TMEM114: variants seen among roughly 807,000 people sequenced by gnomAD.
TMEM114 encodes the protein transmembrane protein 114.
In TMEM114, 6 loss-of-function variants were observed where a neutral mutation model predicts 6.2. That is an observed-to-expected ratio of 0.97 (90% CI 0.53 to 1.91). The LOEUF (loss-of-function observed/expected upper bound fraction) is 1.91, where lower values mean the gene tolerates loss of function less well. Ranked by LOEUF, TMEM114 falls within the 40% of genes most tolerant of loss-of-function variation. The pLI is 0.01. For synonymous variants in TMEM114, 104 were observed against 73.0 expected (o/e 1.42, Z -2.16); for missense variants, 218 against 158.3 (o/e 1.38, Z -2.02).
intron 2 of TMEM114, among the ~76,000 whole-genome samples, chr16:8,574,369 A>G (rs2141687839): frequency 6.6e-6 from 1 of 152,336 alleles, no homozygotes; most frequent in South Asian, 2.1e-4. Context: ...AACTCTATCA[A>G]TAATAAAGAT....
At chr16:8,551,983 A>G (rs1460298453) in intron 2 of TMEM114, among the ~76,000 whole-genome samples, 2 of 152,216 alleles carry the variant, frequency 1.3e-5, no homozygotes, top group African/African-American at 4.8e-5. Context: ...CCAGTCTCCA[A>G]AGATTCTATA....
At position 8,545,463 on chromosome 16, in the gene TMEM114, T is replaced by A. The variant is rs548696437; in HGVS notation, n.213-7637A>T. 2.6e-5 allele frequency among the ~76,000 whole-genome samples: 4 copies of A among 152,238 alleles called. 1 individual carries two copies. In the East Asian group the frequency reaches 7.7e-4, roughly 29 times the overall value. ...ATAATCAACATCATCATCATCATCA[T>A]CACCATCATCACCATCATCATCACC... On this transcript the variant is annotated intron_variant and non_coding_transcript_variant, in intron 2 of 2. Transcript: ENST00000623677.
intron 2 of TMEM114, among the ~76,000 whole-genome samples, chr16:8,542,107 T>C (rs1900532421): frequency 1.3e-5 from 2 of 151,610 alleles, no homozygotes; most frequent in Non-Finnish European, 2.9e-5. Flanking sequence ...TCATCCCCCA[T>C]CACCCTTCCT....
intron 2 of TMEM114, among the ~76,000 whole-genome samples, chr16:8,581,816 T>C (rs1032383001): frequency 6.6e-6 from 1 of 152,234 alleles, no homozygotes; most frequent in African/African-American, 2.4e-5. Flanking sequence ...TATTTTTTAA[T>C]GGGCACCTCA....
chr16:8,556,780 G>C (rs972720899), intron 2 of TMEM114, among the ~76,000 whole-genome samples: 1 of 152,216 alleles, frequency 6.6e-6, no homozygotes, highest in African/African-American at 2.4e-5. Context: ...CAGGATTATA[G>C]GCGTGAGCCA....
chr16:8,572,186 G>T lies in TMEM114; in HGVS notation c.340C>A (p.Leu114Met). The change falls in exon 3 of 4, where the codon CTG (leucine) becomes ATG (methionine). Residue 114 changes from leucine to methionine, a missense_variant. By Grantham distance (15) the Leu-to-Met change is conservative (BLOSUM62 2). Coordinates refer to ENST00000620492, the MANE Select transcript of TMEM114 (RefSeq NM_001146336.2). ...ATCCCCCCAAAAACCATCAGGATCA[G>T]GCTGAGCGGCAGCAGAATCACAAAT... ...GTFVILLPLS[L>M]ILMVFGGMTG... 1 of 1,551,694 alleles carries T rather than the reference G, an allele frequency of 6.4e-7. No homozygotes were observed. The highest frequency in any genetic ancestry group is 8.7e-7 in the Non-Finnish European group (1 of 1,146,988).
At chr16:8,574,132 G>A (rs887316350) in intron 2 of TMEM114, among the ~76,000 whole-genome samples, 2 of 152,104 alleles carry the variant, frequency 1.3e-5, no homozygotes, top group Non-Finnish European at 2.9e-5. Context: ...GAATATAGAC[G>A]TCAGAGCCGG....
intron 2 of TMEM114, among the ~76,000 whole-genome samples, chr16:8,547,163 C>G (rs956082863): frequency 1.3e-5 from 2 of 152,020 alleles, no homozygotes; most frequent in African/African-American, 4.8e-5. Context: ...GGGGGGTCGT[C>G]AAGGAATTTT....
At chr16:8,548,165 T>A (rs917817696) in intron 2 of TMEM114, among the ~76,000 whole-genome samples, 1 of 152,298 alleles carries the variant, frequency 6.6e-6, no homozygotes, top group East Asian at 1.9e-4. Flanking sequence ...CTCCCGCCCC[T>A]ATTAACGGTG....
chr16:8,562,737 T>G (rs1481232358), intron 2 of TMEM114, among the ~76,000 whole-genome samples: 1 of 150,874 alleles, frequency 6.6e-6, no homozygotes, highest in Admixed American at 6.6e-5. Context: ...AGGGAATGAG[T>G]GACGGAGTAA....
intron 2 of TMEM114, among the ~76,000 whole-genome samples, chr16:8,564,403 GAATGAGTGAGTGAGTA>G (rs1432949870): frequency 6.7e-6 from 1 of 149,968 alleles, no homozygotes; most frequent in Non-Finnish European, 1.5e-5. Flanking sequence ...GTGAGTGAGT[GAATGAGTGAGTGAGTA>G]AATGAGTGAG....
intron 2 of TMEM114, among the ~76,000 whole-genome samples, chr16:8,577,062 G>C (rs990638855): frequency 6.6e-6 from 1 of 152,202 alleles, no homozygotes; most frequent in Non-Finnish European, 1.5e-5. Flanking sequence ...ACCTGAGCGT[G>C]GTTCTTACTA....
chr16:8,540,447 G>T (rs1318769098), intron 2 of TMEM114, among the ~76,000 whole-genome samples: 1 of 152,172 alleles, frequency 6.6e-6, no homozygotes, highest in Non-Finnish European at 1.5e-5. Context: ...TGTCATAAGT[G>T]TTCAATGAAA....
At chr16:8,541,116 T>C (rs1471986967) in intron 2 of TMEM114, among the ~76,000 whole-genome samples, 3 of 152,246 alleles carry the variant, frequency 2.0e-5, no homozygotes, top group South Asian at 4.2e-4. Flanking sequence ...GCAGCAATCA[T>C]ATATTGAACT....
chr16:8,549,181 CAAA>C (rs1216258524), intron 2 of TMEM114, among the ~76,000 whole-genome samples: 1 of 49,304 alleles, frequency 2.0e-5, no homozygotes, highest in Non-Finnish European at 3.6e-5. Context: ...GACTCCATCT[CAAA>C]AAAAAAAAAA....
chr16:8,536,672 G>A (rs977260501), downstream of TMEM114, among the ~76,000 whole-genome samples: 2 of 151,852 alleles, frequency 1.3e-5, no homozygotes, highest in Admixed American at 6.6e-5. Flanking sequence ...GTTTGTTTTT[G>A]TTTGTTTGTT....
chr16:8,572,036 T>C (rs1359808034), intron 3 of TMEM114, 51 bp downstream of exon 3: 2 of 1,475,678 alleles, frequency 1.4e-6, no homozygotes, highest in East Asian at 5.0e-5. Context: ...CAGTACCCAT[T>C]GCCCAACCCC....
intron 2 of TMEM114, among the ~76,000 whole-genome samples, chr16:8,538,250 C>G (rs1166509433): frequency 1.3e-5 from 2 of 151,310 alleles, no homozygotes; most frequent in African/African-American, 4.9e-5. Context: ...GATCCTTCCA[C>G]TGCACTGTAG....
intron 2 of TMEM114, among the ~76,000 whole-genome samples, chr16:8,575,030 G>C (rs759617910): frequency 2.4e-4 from 37 of 152,156 alleles, no homozygotes; most frequent in Non-Finnish European, 2.8e-4. Flanking sequence ...GAATGCACTT[G>C]GGGAAGATAG....
Sources: allele counts gnomAD v4.1 joint callset (sites outside exome capture counted in the v4.1 genomes callset), GRCh38; gene constraint gnomAD v4.1.1; transcripts MANE v1.5; gene names NCBI Gene and HGNC (gene_info 2026-07-23, HGNC 2026-07-21).